The following NRG1 variants were observed in gnomAD, a reference collection of about 807,000 sequenced individuals.
The protein encoded by NRG1 is pro-neuregulin-1, membrane-bound isoform.
Under a neutral mutation model 63.8 loss-of-function variants are expected in NRG1, and 18 were observed. The ratio of observed to expected loss-of-function variants is 0.28; its 90% CI spans 0.19 to 0.42. NRG1 has a LOEUF of 0.42. Among genes scored for constraint, NRG1 ranks in the 10% least tolerant of loss-of-function variants. The pLI is 1.00. For synonymous variants in NRG1, 302 were observed against 301.3 expected (o/e 1.00, Z -0.02); for missense variants, 762 against 814.7 (o/e 0.94, Z 0.79).
intron 1 of NRG1, among the ~76,000 whole-genome samples, chr8:32,084,586 A>G (rs540711850): frequency 6.6e-6 from 1 of 152,306 alleles, no homozygotes; most frequent in South Asian, 2.1e-4. Flanking sequence ...AAGAGATGCC[A>G]TGTGTTACTT....
intron 1 of NRG1, among the ~76,000 whole-genome samples, chr8:32,499,179 A>G (rs1563547968): frequency 2.6e-5 from 4 of 152,216 alleles, no homozygotes; most frequent in Admixed American, 2.0e-4. Context: ...AGGTCAGTCA[A>G]CTTCAACAAT....
intron 1 of NRG1, among the ~76,000 whole-genome samples, chr8:31,681,301 A>G (rs979672343): frequency 1.2e-4 from 19 of 152,178 alleles, no homozygotes; most frequent in Admixed American, 1.0e-3. Context: ...TAGTTTTACT[A>G]CATTACTACC....
chr8:32,353,524 C>G (rs2129479974), intron 1 of NRG1, among the ~76,000 whole-genome samples: 1 of 152,144 alleles, frequency 6.6e-6, no homozygotes, highest in Non-Finnish European at 1.5e-5. Flanking sequence ...AATAAGCACA[C>G]TTTGTCGAAG....
intron 1 of NRG1, among the ~76,000 whole-genome samples, chr8:32,387,467 C>G (rs1052597627): frequency 6.6e-6 from 1 of 152,184 alleles, no homozygotes; most frequent in Non-Finnish European, 1.5e-5. Context: ...ATGGTCCTAT[C>G]TGATCTCAAA....
intron 1 of NRG1, among the ~76,000 whole-genome samples, chr8:32,573,417 A>T (rs1276790080): frequency 6.6e-6 from 1 of 152,220 alleles, no homozygotes; most frequent in African/African-American, 2.4e-5. Flanking sequence ...TTGGCTTATG[A>T]GCCGTATTTT....
intron 1 of NRG1, among the ~76,000 whole-genome samples, chr8:32,574,773 T>A (rs2129529402): frequency 6.6e-6 from 1 of 152,328 alleles, no homozygotes; most frequent in Non-Finnish European, 1.5e-5. Flanking sequence ...CCTCTTTTCT[T>A]GATAAATTAC....
chr8:31,899,928 G>A (rs1831934440), intron 1 of NRG1, among the ~76,000 whole-genome samples: 1 of 152,082 alleles, frequency 6.6e-6, no homozygotes, highest in African/African-American at 2.4e-5. Context: ...TCTAAATCTT[G>A]GTCCTTTATC....
chr8:31,784,680 C>T (rs934740729), intron 1 of NRG1, among the ~76,000 whole-genome samples: 1 of 152,288 alleles, frequency 6.6e-6, no homozygotes, highest in Non-Finnish European at 1.5e-5. Flanking sequence ...TAGGACTTCT[C>T]TCTAATCATA....
At chr8:32,217,170 G>A (rs1357303381) in intron 1 of NRG1, among the ~76,000 whole-genome samples, 2 of 139,670 alleles carry the variant, frequency 1.4e-5, no homozygotes, top group Non-Finnish European at 3.0e-5. Context: ...CCAAGATCGA[G>A]CCACTGAAAC....
intron 1 of NRG1, among the ~76,000 whole-genome samples, chr8:32,231,329 T>C (rs1469626328): frequency 6.6e-6 from 1 of 152,204 alleles, no homozygotes; most frequent in African/African-American, 2.4e-5. Flanking sequence ...CATAAATTTA[T>C]ATATTTTATA....
At chr8:32,002,730 T>C (rs764275884) in intron 1 of NRG1, among the ~76,000 whole-genome samples, 2 of 152,058 alleles carry the variant, frequency 1.3e-5, no homozygotes, top group Non-Finnish European at 2.9e-5. Flanking sequence ...TCTCAGCTGA[T>C]AAAGTAAAGA....
At chr8:31,799,450 A>G (rs190488271) in intron 1 of NRG1, among the ~76,000 whole-genome samples, 10 of 152,264 alleles carry the variant, frequency 6.6e-5, no homozygotes, top group African/African-American at 2.2e-4. Flanking sequence ...AAAATAAATG[A>G]TAATTTTAGA....
chr8:32,126,593 T>A (rs1419697557), intron 1 of NRG1, among the ~76,000 whole-genome samples: 2 of 151,862 alleles, frequency 1.3e-5, no homozygotes, highest in Non-Finnish European at 2.9e-5. Context: ...CCTGTATAGG[T>A]GAGACTTGCC....
chr8:31,733,016 G>A (rs536960232), intron 1 of NRG1, among the ~76,000 whole-genome samples: 53 of 152,236 alleles, frequency 3.5e-4, no homozygotes, highest in African/African-American at 1.2e-3. Flanking sequence ...CTGTGTCCAT[G>A]TGTATGCATT....
At chr8:32,602,981 A>G (rs1339347042) in intron 2 of NRG1, among the ~76,000 whole-genome samples, 1 of 152,192 alleles carries the variant, frequency 6.6e-6, no homozygotes, top group Non-Finnish European at 1.5e-5. Context: ...ATAATTTTAA[A>G]AGTTGTCATA....
intron 5 of NRG1, among the ~76,000 whole-genome samples, chr8:32,663,346 C>T (rs985287616): frequency 1.3e-5 from 2 of 152,060 alleles, no homozygotes; most frequent in Non-Finnish European, 2.9e-5. Context: ...CAGTATTTTC[C>T]ACCCGTTTCC....
At chr8:31,968,378 G>A (rs552214896) in intron 1 of NRG1, among the ~76,000 whole-genome samples, 50 of 152,248 alleles carry the variant, frequency 3.3e-4, no homozygotes, top group African/African-American at 1.1e-3. Flanking sequence ...AGTCTGCTTT[G>A]TATTTGCCAC....
intron 1 of NRG1, among the ~76,000 whole-genome samples, chr8:32,495,193 C>T (rs1024047441): frequency 1.3e-5 from 2 of 152,132 alleles, no homozygotes; most frequent in South Asian, 4.1e-4. Context: ...ATAATTCGCA[C>T]GTCATGGGAG....
chr8:32,546,533 A>C (rs1415086902), upstream of NRG1, among the ~76,000 whole-genome samples: 1 of 152,144 alleles, frequency 6.6e-6, no homozygotes, highest in African/African-American at 2.4e-5. Context: ...TCCTGGGAAA[A>C]CAGAGTTATT....
Sources: allele counts gnomAD v4.1 joint callset (sites outside exome capture counted in the v4.1 genomes callset), GRCh38; gene constraint gnomAD v4.1.1; transcripts MANE v1.5; gene names NCBI Gene and HGNC (gene_info 2026-07-23, HGNC 2026-07-21).